Variants in RFPL1 observed in about 807,000 individuals in gnomAD.
RFPL1 encodes ret finger protein like 1, also known as ret finger protein-like 1.
A neutral mutation model predicts 9.6 loss-of-function variants in RFPL1; 6 were observed. The observed-to-expected ratio is 0.62, with a 90% CI of 0.34 to 1.23. The LOEUF (loss-of-function observed/expected upper bound fraction) is 1.23, where lower values mean the gene tolerates loss of function less well. Ranked by LOEUF, RFPL1 falls within the 50% of genes most tolerant of loss-of-function variation. The pLI, the probability that RFPL1 is intolerant of heterozygous loss-of-function variation, is 0.03. For synonymous variants in RFPL1, 145 were observed against 149.4 expected (o/e 0.97, Z 0.22); for missense variants, 352 against 398.4 (o/e 0.88, Z 0.99).
At chr22:29,436,553 T>C (rs1430480134), upstream of RFPL1, 1 of 151,494 alleles carries the variant, frequency 6.6e-6, no homozygotes, top group Non-Finnish European at 1.5e-5. Flanking sequence ...TGATCCAAGT[T>C]TGTGCCACTG....
At chr22:29,391,915 C>T in the RFPL1 span, among the ~76,000 whole-genome samples, 1 of 152,126 alleles carries the variant, frequency 6.6e-6, no homozygotes, top group Non-Finnish European at 1.5e-5. Context: ...GCTCAGCCTA[C>T]AGTTTGCAGG....
chr22:29,436,252 T>C (rs1323429985), upstream of RFPL1, among the ~76,000 whole-genome samples: 1 of 152,038 alleles, frequency 6.6e-6, no homozygotes, highest in African/African-American at 2.4e-5. Flanking sequence ...TTGTACATGA[T>C]TGCATATTTT....
the RFPL1 span, among the ~76,000 whole-genome samples, chr22:29,389,104 G>T: frequency 6.6e-6 from 1 of 152,010 alleles, no homozygotes; most frequent in African/African-American, 2.4e-5. Context: ...GCTCAGGCTG[G>T]TCTCGAAATC....
chr22:29,397,687 C>T, the RFPL1 span, among the ~76,000 whole-genome samples: 21 of 152,272 alleles, frequency 1.4e-4, no homozygotes, highest in Non-Finnish European at 2.8e-4. Context: ...GAGTGTTAAC[C>T]CCCATTCTCC....
chr22:29,439,070 T>A lies in RFPL1; in HGVS notation c.279T>A (p.Ser93Arg), dbSNP rs773401292. Residue 93 changes from serine to arginine, a missense_variant, in exon 1 of 2, where the codon AGT (serine) becomes AGA (arginine). By Grantham distance (110) the Ser-to-Arg change is moderately radical. Transcript: ENST00000354373. ...CTCAGAAGAACAAAATCAGGCCCAGTTGGCAGCTAGAGAGGCTGGCTTCCC... is the reference window on the plus strand; with the variant it reads ...CTCAGAAGAACAAAATCAGGCCCAGATGGCAGCTAGAGAGGCTGGCTTCCC... The A allele has an allele frequency of 7.4e-6, 12 of 1,614,002 alleles. No homozygotes were observed. The East Asian group carries it at 2.5e-4, about 33-fold the overall frequency.
At chr22:29,440,159 C>T (rs2062831026) in intron 1 of RFPL1, 1 of 152,246 alleles carries the variant, frequency 6.6e-6, no homozygotes, top group Non-Finnish European at 1.5e-5. Context: ...CCCATGATCT[C>T]TACTCATCCA....
upstream of RFPL1, among the ~76,000 whole-genome samples, chr22:29,434,141 C>T (rs2062797654): frequency 1.3e-5 from 2 of 152,028 alleles, no homozygotes; most frequent in African/African-American, 4.8e-5. Flanking sequence ...CATAAGCCGC[C>T]GTACACAGCC....
the RFPL1 span, among the ~76,000 whole-genome samples, chr22:29,391,663 A>G: frequency 9.2e-5 from 14 of 152,318 alleles, no homozygotes; most frequent in African/African-American, 3.4e-4. Flanking sequence ...CCTGGGGAAG[A>G]TGGCATTTGC....
chr22:29,418,472 A>G, the RFPL1 span, among the ~76,000 whole-genome samples: 1 of 151,192 alleles, frequency 6.6e-6, no homozygotes, highest in Non-Finnish European at 1.5e-5. Context: ...TGAAAAATCC[A>G]GATTTCCCAT....
At chr22:29,438,913 C>T (rs1306537130) in exon 1 of RFPL1, 1 of 1,613,862 alleles carries the variant, frequency 6.2e-7, no homozygotes, top group Non-Finnish European at 8.5e-7. Context: ...AGCAGCTGTC[C>T]CGTCTGCTCA....
At chr22:29,397,737 G>T in the RFPL1 span, among the ~76,000 whole-genome samples, 1 of 152,090 alleles carries the variant, frequency 6.6e-6, no homozygotes, top group Admixed American at 6.6e-5. Context: ...GTGGGGTTTG[G>T]GTCTCTGCAT....
the RFPL1 span, among the ~76,000 whole-genome samples, chr22:29,400,096 C>T: frequency 6.6e-6 from 1 of 151,204 alleles, no homozygotes; most frequent in Admixed American, 6.6e-5. Context: ...CCTGGGTTCA[C>T]GCCATTCTCC....
the RFPL1 span, chr22:29,419,227 C>T: frequency 6.5e-7 from 1 of 1,546,450 alleles, no homozygotes; most frequent in Non-Finnish European, 8.9e-7. Context: ...CTTCTTGTCA[C>T]TGTTGAGCTC....
chr22:29,437,612 G>C (rs2062814712), upstream of RFPL1: 2 of 1,588,184 alleles, frequency 1.3e-6, no homozygotes, highest in Non-Finnish European at 1.7e-6. Context: ...GTGTGGAAGG[G>C]CATGACCCAG....
the RFPL1 span, among the ~76,000 whole-genome samples, chr22:29,419,430 G>A: frequency 6.6e-6 from 1 of 151,938 alleles, no homozygotes; most frequent in African/African-American, 2.4e-5. Flanking sequence ...AGTGAGGGAT[G>A]ACTGTTAGGA....
chr22:29,403,768 CG>C, the RFPL1 span, among the ~76,000 whole-genome samples: 1 of 152,162 alleles, frequency 6.6e-6, no homozygotes, highest in African/African-American at 2.4e-5. Context: ...ATTCCAAAAA[CG>C]TGGCAATACA....
the RFPL1 span, among the ~76,000 whole-genome samples, chr22:29,417,277 G>C: frequency 3.3e-5 from 5 of 152,046 alleles, no homozygotes; most frequent in South Asian, 8.3e-4. Flanking sequence ...GGGTGAAGGA[G>C]AGCAGCTTTG....
chr22:29,426,173 A>C, the RFPL1 span, among the ~76,000 whole-genome samples: 1 of 149,542 alleles, frequency 6.7e-6, no homozygotes, highest in South Asian at 2.2e-4. Flanking sequence ...AAATACAAAA[A>C]TTAGCCAGAC....
chr22:29,391,071 G>A, the RFPL1 span, among the ~76,000 whole-genome samples: 1 of 151,898 alleles, frequency 6.6e-6, no homozygotes, highest in Non-Finnish European at 1.5e-5. Flanking sequence ...GAACCCGGGA[G>A]GTGGAGCTTG....
Sources: allele counts gnomAD v4.1 joint callset (sites outside exome capture counted in the v4.1 genomes callset), GRCh38; gene constraint gnomAD v4.1.1; transcripts MANE v1.5; gene names NCBI Gene and HGNC (gene_info 2026-07-23, HGNC 2026-07-21).